MRTFB: variants seen among roughly 807,000 people sequenced by gnomAD.
MRTFB encodes myocardin related transcription factor B.
MRTFB carries 29 observed loss-of-function variants against 104.2 expected under a neutral mutation model. The ratio of observed to expected loss-of-function variants is 0.28; its 90% CI spans 0.21 to 0.38. The LOEUF is 0.38. MRTFB is among the 10% of genes least tolerant of loss of function. The pLI, the probability that MRTFB is intolerant of heterozygous loss-of-function variation, is 1.00. For missense variants in MRTFB, 1,270 were observed against 1,341.6 expected (o/e 0.95, Z 0.83); for synonymous variants, 535 against 519.5 (o/e 1.03, Z -0.41).
intron 2 of MRTFB, among the ~76,000 whole-genome samples, chr16:14,090,308 G>T (rs1241593404): frequency 6.6e-6 from 1 of 152,130 alleles, no homozygotes; most frequent in Non-Finnish European, 1.5e-5. Flanking sequence ...GTGTTTTCAG[G>T]TATTCTCAGC....
chr16:14,206,541 C>T (rs1422076819), intron 3 of MRTFB, among the ~76,000 whole-genome samples: 1 of 152,168 alleles, frequency 6.6e-6, no homozygotes, highest in Non-Finnish European at 1.5e-5. Context: ...TAGTTGACAT[C>T]AACAAGTAAT....
chr16:14,132,262 A>T (rs8044295), intron 2 of MRTFB, among the ~76,000 whole-genome samples: 3 of 151,830 alleles, frequency 2.0e-5, no homozygotes, highest in Non-Finnish European at 2.9e-5. Flanking sequence ...AGTGGTTGCC[A>T]GGGTCTGAGG....
chr16:14,196,009 G>A (rs550890109), intron 3 of MRTFB, among the ~76,000 whole-genome samples: 4 of 152,288 alleles, frequency 2.6e-5, no homozygotes, highest in South Asian at 2.1e-4. Context: ...TACATCTGTC[G>A]CAGGCTAATG....
chr16:14,051,285 T>C, the MRTFB span, among the ~76,000 whole-genome samples: 582 of 151,534 alleles, frequency 3.8e-3, 3 homozygotes, highest in African/African-American at 0.013. Flanking sequence ...CACACTCATA[T>C]AGACACACAC....
intron 2 of MRTFB, among the ~76,000 whole-genome samples, chr16:14,113,346 T>C (rs2036374697): frequency 6.6e-6 from 1 of 152,178 alleles, no homozygotes; most frequent in East Asian, 1.9e-4. Context: ...GCCCAGCCTA[T>C]GTCTTTATTT....
At chr16:14,118,118 ATCTTTTTTTTTTTTTTTCTTTT>A (rs1347797048) in intron 2 of MRTFB, among the ~76,000 whole-genome samples, 1 of 142,330 alleles carries the variant, frequency 7.0e-6, no homozygotes, top group African/African-American at 2.7e-5. Context: ...CCATTCCCTC[ATCTTTTTTTTTTTTTTTCTTTT>A]TCTTTTTTTT....
rs556107038 is a variant in MRTFB at position 14,262,405 on chromosome 16, G to GA, written c.*965dup. Reference sequence around the variant, plus strand: ...AACCAGACCCATCTCAAAGAACCAAGAAAAGGCTTTAGCATGAAATATCTT... The same window carrying GA: ...AACCAGACCCATCTCAAAGAACCAAGAAAAAGGCTTTAGCATGAAATATCTT... On this transcript the variant is annotated 3_prime_UTR_variant, in exon 17 of 17. Coordinates refer to ENST00000571589, the MANE Select transcript of MRTFB (RefSeq NM_001308142.2). 7.5e-4 allele frequency: 115 copies of GA among 152,326 alleles called. No homozygotes were observed. The highest frequency in any genetic ancestry group is 2.5e-3 in the African/African-American group (104 of 41,576). 9.4% of individuals were successfully genotyped at this position (152,326 alleles called of 1,614,324 possible).
Position 14,116,864 on chromosome 16 carries a change from CTT to C in MRTFB, c.-63-23678_-63-23677del, listed in dbSNP as rs1416051799. Among the ~76,000 whole-genome samples the C allele has an allele frequency of 9.9e-5, 15 of 152,196 alleles. 1 individual carries two copies. The East Asian group carries it at 2.5e-3, about 25-fold the overall frequency. ...GATCTACCAGTCTAGAAGGAAGACT[CTT>C]TGAGGAAGGGGCTATGCTTAAGGGC... On this transcript the variant is annotated intron_variant, in intron 2 of 16. Transcript: ENST00000571589.
chr16:14,082,027 A>G (rs1039555500), intron 2 of MRTFB, among the ~76,000 whole-genome samples: 1 of 152,208 alleles, frequency 6.6e-6, no homozygotes, highest in African/African-American at 2.4e-5. Flanking sequence ...TTTGCTATAC[A>G]GAAGCTTATT....
intron 2 of MRTFB, among the ~76,000 whole-genome samples, chr16:14,098,383 T>C (rs540320577): frequency 2.0e-5 from 3 of 152,198 alleles, no homozygotes; most frequent in African/African-American, 7.2e-5. Flanking sequence ...TGGTAAAGTA[T>C]CAAATCTTTT....
At chr16:14,216,532 A>G (rs2041434067) in intron 6 of MRTFB, among the ~76,000 whole-genome samples, 1 of 152,216 alleles carries the variant, frequency 6.6e-6, no homozygotes, top group South Asian at 2.1e-4. Context: ...CCTGTATACA[A>G]CCATTAATTA....
the MRTFB span, among the ~76,000 whole-genome samples, chr16:14,036,208 T>C: frequency 6.5e-3 from 816 of 126,114 alleles, 7 homozygotes; most frequent in African/African-American, 0.022. Context: ...TATAATATAT[T>C]ATATAAAATA....
At chr16:14,184,813 G>A (rs1277380811) in intron 3 of MRTFB, among the ~76,000 whole-genome samples, 4 of 152,320 alleles carry the variant, frequency 2.6e-5, no homozygotes, top group Non-Finnish European at 5.9e-5. Context: ...AGAAGGCAGG[G>A]CAAGGCCATA....
chr16:14,101,498 T>C lies in MRTFB; in HGVS notation c.-64+22144T>C, dbSNP rs1330812853. On this transcript the variant is annotated intron_variant, in intron 2 of 16. Coordinates refer to ENST00000571589, the MANE Select transcript of MRTFB (RefSeq NM_001308142.2). ...TTTACATTGACTACACATCTCCTTC[T>C]TGGTTGCTGTATTGTGAAAAATGAG... Among the ~76,000 whole-genome samples the C allele has an allele frequency of 2.0e-5, 3 of 152,240 alleles. No individual in the cohort carries two copies. In the East Asian group the frequency reaches 5.8e-4, roughly 29 times the overall value.
At chr16:14,018,242 C>T in the MRTFB span, among the ~76,000 whole-genome samples, 1 of 152,142 alleles carries the variant, frequency 6.6e-6, no homozygotes, top group Admixed American at 6.6e-5. Context: ...GGCTCCACCG[C>T]TTATAGCTAC....
chr16:14,205,997 C>T (rs1736788145), intron 3 of MRTFB, among the ~76,000 whole-genome samples: 1 of 152,176 alleles, frequency 6.6e-6, no homozygotes, highest in Admixed American at 6.5e-5. Flanking sequence ...ATCTTGTCAA[C>T]ACAAGCACAA....
chr16:14,253,106 T>A (rs2043321020), intron 15 of MRTFB, among the ~76,000 whole-genome samples: 1 of 152,162 alleles, frequency 6.6e-6, no homozygotes. Flanking sequence ...AAAACAGAAG[T>A]AGCCCCAACC....
At chr16:14,081,493 G>T (rs917981961) in intron 2 of MRTFB, among the ~76,000 whole-genome samples, 1 of 151,976 alleles carries the variant, frequency 6.6e-6, no homozygotes, top group African/African-American at 2.4e-5. Context: ...GGGTTTCACC[G>T]TGTTGGCCAG....
the MRTFB span, among the ~76,000 whole-genome samples, chr16:14,043,817 G>A: frequency 2.0e-5 from 3 of 152,174 alleles, no homozygotes; most frequent in African/African-American, 7.2e-5. Flanking sequence ...ACCTTGGGCC[G>A]AACCTTGTGC....
Sources: gnomAD v4.1 joint callset for allele counts (sites outside exome capture counted in the v4.1 genomes callset) on GRCh38, gnomAD v4.1.1 for gene constraint, MANE v1.5 for transcripts, NCBI Gene and HGNC (gene_info 2026-07-23, HGNC 2026-07-21) for gene names.